The following LRRC7 variants were observed in gnomAD, a reference collection of about 807,000 sequenced individuals.
LRRC7 encodes leucine rich repeat containing 7.
LRRC7 carries 23 observed loss-of-function variants against 175.7 expected under a neutral mutation model. The ratio of observed to expected loss-of-function variants is 0.13; its 90% confidence interval spans 0.09 to 0.19. LRRC7 has a LOEUF of 0.19. Among genes scored for constraint, LRRC7 ranks in the 10% least tolerant of loss-of-function variants. LRRC7 has a pLI of 1.00. For synonymous variants in LRRC7, 685 were observed against 680.9 expected, an observed-to-expected ratio of 1.01 and a Z score of -0.09; for missense variants, 1,354 against 1,904.7, an observed-to-expected ratio of 0.71 and a Z score of 5.38.
intron 26 of LRRC7, among the ~76,000 whole-genome samples, chr1:70,112,422 G>T (rs995101176): frequency 2.0e-5 from 3 of 152,120 alleles, no homozygotes; most frequent in Non-Finnish European, 4.4e-5. Context: ...CCCTTAATAG[G>T]TAGGAGGGAA....
At chr1:69,946,660 T>C (rs541675111) in intron 8 of LRRC7, among the ~76,000 whole-genome samples, 38 of 140,588 alleles carry the variant, frequency 2.7e-4, no homozygotes, top group African/African-American at 9.4e-4. Flanking sequence ...ATGTTCTTTA[T>C]TTATTTTGAC....
chr1:69,831,088 T>A (rs1430612114), intron 5 of LRRC7, among the ~76,000 whole-genome samples: 4 of 151,952 alleles, frequency 2.6e-5, no homozygotes, highest in Non-Finnish European at 4.4e-5. Flanking sequence ...AATAGTAGAC[T>A]GAGAGAAGCT....
At chr1:70,019,007 G>A (rs920964788) in intron 15 of LRRC7, among the ~76,000 whole-genome samples, 189 bp downstream of exon 15, 1 of 151,962 alleles carries the variant, frequency 6.6e-6, no homozygotes, top group Non-Finnish European at 1.5e-5. Context: ...TTTTAGATAA[G>A]CTTCCAAAAC....
intron 2 of LRRC7, among the ~76,000 whole-genome samples, chr1:69,717,017 A>ACT (rs1462572881): frequency 6.6e-6 from 1 of 151,704 alleles, no homozygotes; most frequent in Non-Finnish European, 1.5e-5. Context: ...GGGGAAGGGA[A>ACT]CTAAGTTTGC....
intron 13 of LRRC7, chr1:70,013,993 A>G (rs1344347410): frequency 6.6e-6 from 1 of 152,040 alleles, no homozygotes; most frequent in Non-Finnish European, 1.5e-5. Context: ...TTACTAGTTA[A>G]TAATATTCCC....
intron 7 of LRRC7, among the ~76,000 whole-genome samples, chr1:69,882,061 C>T (rs936260361): frequency 8.3e-5 from 12 of 145,064 alleles, no homozygotes; most frequent in Admixed American, 4.1e-4. Context: ...AAAATGGAAT[C>T]GACAAAGGAT....
At chr1:69,792,417 A>C (rs1299149196) in intron 4 of LRRC7, among the ~76,000 whole-genome samples, 1 of 151,974 alleles carries the variant, frequency 6.6e-6, no homozygotes, top group Admixed American at 6.6e-5. Flanking sequence ...TCTTTTCTAG[A>C]ATCGTTTACT....
chr1:69,985,494 A>G (rs1653853918), intron 9 of LRRC7, among the ~76,000 whole-genome samples: 1 of 152,316 alleles, frequency 6.6e-6, no homozygotes, highest in Admixed American at 6.5e-5. Flanking sequence ...TAACTGCTGC[A>G]TTGAGATATA....
At chr1:69,577,339 A>T (rs558924786) in intron 1 of LRRC7, among the ~76,000 whole-genome samples, 1 of 152,152 alleles carries the variant, frequency 6.6e-6, no homozygotes, top group East Asian at 1.9e-4. Flanking sequence ...ATGCATGAAA[A>T]TCTGATGGTA....
intron 8 of LRRC7, among the ~76,000 whole-genome samples, chr1:69,949,312 G>T (rs963563877): frequency 1.4e-4 from 21 of 152,006 alleles, no homozygotes; most frequent in Middle Eastern, 3.2e-3. Flanking sequence ...TGGCTCACAC[G>T]GGTAATCCCA....
At chr1:69,607,818 T>A (rs1003856075) in intron 1 of LRRC7, 2 of 152,108 alleles carry the variant, frequency 1.3e-5, no homozygotes, top group Non-Finnish European at 2.9e-5. Flanking sequence ...CAATTTTTAG[T>A]TTGTCCTGAG....
intron 3 of LRRC7, among the ~76,000 whole-genome samples, chr1:69,762,605 G>T (rs1442055760): frequency 6.6e-6 from 1 of 151,816 alleles, no homozygotes; most frequent in African/African-American, 2.4e-5. Context: ...GGGAGACTGG[G>T]GGAGGACTCA....
chr1:69,674,134 G>C (rs72938953), intron 1 of LRRC7, among the ~76,000 whole-genome samples: 2,155 of 152,144 alleles, frequency 0.014, 49 homozygotes, highest in African/African-American at 0.049. Context: ...TCAGCCTCCT[G>C]AGTATAGATA....
rs187569458 is a variant in LRRC7 at position 70,142,979 on chromosome 1, G to A, written c.*21092G>A. 5 of 151,600 alleles carry A rather than the reference G, an allele frequency of 3.3e-5. No individual in the cohort carries two copies. The highest frequency in any genetic ancestry group is 3.9e-4 in the East Asian group (2 of 5,152). The allele number at this position is 151,600 out of a possible 1,614,324, so 9.4% of individuals were successfully genotyped here. On this transcript the variant is annotated 3_prime_UTR_variant, in exon 27 of 27. Transcript: ENST00000651989. ...TTACTTTTGACCTCAGTTATTTTGG[G>A]GCATAATCCTTTTACTACTCTATAA...
At chr1:69,642,681 A>G (rs769505857) in intron 1 of LRRC7, among the ~76,000 whole-genome samples, 39 of 152,202 alleles carry the variant, frequency 2.6e-4, no homozygotes, top group Non-Finnish European at 4.6e-4. Context: ...AGATATGCAT[A>G]TGGCTGACAA....
chr1:69,931,250 T>A (rs1647341666), intron 7 of LRRC7, among the ~76,000 whole-genome samples: 1 of 152,054 alleles, frequency 6.6e-6, no homozygotes, highest in Non-Finnish European at 1.5e-5. Context: ...TGTAGATATT[T>A]AATAAGCTTC....
At chr1:69,760,463 T>C in intron 3 of LRRC7, 70 bp downstream of exon 3, 2 of 1,333,298 alleles carry the variant, frequency 1.5e-6, no homozygotes, top group Non-Finnish European at 1.1e-6. Context: ...TTTATTATAA[T>C]GGTAATGTGA....
Position 69,692,535 on chromosome 1 carries a change from CAG to C in LRRC7, c.100+14062_100+14063del, listed in dbSNP as rs577175886. 2.1e-3 allele frequency among the ~76,000 whole-genome samples: 315 copies of C among 152,254 alleles called. 1 individual carries two copies. The highest frequency in any genetic ancestry group is 3.5e-3 in the Non-Finnish European group (238 of 68,024). ...TGGGTCCTTCTGAGATTACTGGGAGCAGAGAGGAGGAGCAATGTGGATTTAAC... is the reference window on the plus strand; with the variant it reads ...TGGGTCCTTCTGAGATTACTGGGAGCAGAGGAGGAGCAATGTGGATTTAAC... On this transcript the variant is annotated intron_variant, in intron 2 of 26. Transcript: ENST00000651989.
chr1:69,725,944 G>A (rs1183771900), intron 2 of LRRC7, among the ~76,000 whole-genome samples: 1 of 152,166 alleles, frequency 6.6e-6, no homozygotes, highest in Non-Finnish European at 1.5e-5. Flanking sequence ...AAAGGGCCTG[G>A]ACCCTACCTG....
Sources: allele counts gnomAD v4.1 joint callset (sites outside exome capture counted in the v4.1 genomes callset), GRCh38; gene constraint gnomAD v4.1.1; transcripts MANE v1.5; gene names NCBI Gene and HGNC (gene_info 2026-07-23, HGNC 2026-07-21).